Variants in KIF9 observed in about 807,000 individuals in gnomAD.
The protein encoded by KIF9 is kinesin family member 9, also known as kinesin-like protein KIF9.
In KIF9, 68 loss-of-function variants were observed where a neutral mutation model predicts 94.8. The ratio of observed to expected loss-of-function variants is 0.72; its 90% CI spans 0.59 to 0.88. The LOEUF is 0.88. Ranked by LOEUF, KIF9 falls within the 40% of genes least tolerant of loss-of-function variation. KIF9 has a pLI of 0.00. For missense variants in KIF9, 882 were observed against 982.5 expected, an observed-to-expected ratio of 0.90 and a Z score of 1.37; for synonymous variants, 343 against 362.1, an observed-to-expected ratio of 0.95 and a Z score of 0.60.
At chr3:47,254,351 G>A (rs1559444386) in intron 10 of KIF9, among the ~76,000 whole-genome samples, 1 of 152,204 alleles carries the variant, frequency 6.6e-6, no homozygotes, top group Non-Finnish European at 1.5e-5. Context: ...CCAGCTACTT[G>A]GGAGGCTGAG....
chr3:47,265,870 C>T lies in KIF9; in HGVS notation c.776G>A (p.Gly259Asp), dbSNP rs1395331540. The change falls in exon 8 of 21, where the codon GGC (glycine) becomes GAC (aspartate). Residue 259 changes from glycine (G) to aspartate (D), a missense_variant. Coordinates refer to ENST00000684063, the MANE Select transcript of KIF9 (RefSeq NM_182902.4). ...SERLGKSGSE[G>D]QVLKEATYIN... Reference sequence around the variant, plus strand: ...GTAGGTGGCTTCCTTCAGGACTTGGCCCTCAGACTACAAAGCAAAGGTCAG... The same window carrying T: ...GTAGGTGGCTTCCTTCAGGACTTGGTCCTCAGACTACAAAGCAAAGGTCAG... 3 of 1,613,986 alleles carry T rather than the reference C, an allele frequency of 1.9e-6. No individual in the cohort carries two copies. The East Asian group carries it at 6.7e-5, about 36-fold the overall frequency.
chr3:47,253,682 G>A (rs547412968), intron 10 of KIF9, among the ~76,000 whole-genome samples: 7 of 152,184 alleles, frequency 4.6e-5, no homozygotes, highest in Middle Eastern at 3.4e-3. Context: ...AGAGACTGTC[G>A]TTTGGGCCAC....
chr3:47,261,542 T>C (rs1700974139), intron 9 of KIF9, among the ~76,000 whole-genome samples: 1 of 152,100 alleles, frequency 6.6e-6, no homozygotes, highest in South Asian at 2.1e-4. Flanking sequence ...GGCTGTCTCA[T>C]CTCTCAATGA....
chr3:47,256,171 T>C (rs1700573370), intron 10 of KIF9, among the ~76,000 whole-genome samples: 1 of 152,220 alleles, frequency 6.6e-6, no homozygotes, highest in Non-Finnish European at 1.5e-5. Context: ...CAGCCTCTGC[T>C]TGGCCGCCAC....
intron 15 of KIF9, chr3:47,243,491 G>A (rs1699721881): frequency 5.7e-6 from 2 of 351,610 alleles, no homozygotes; most frequent in Non-Finnish European, 1.0e-5. Context: ...GGCAGGAGAC[G>A]CTTGGGAAAA....
At chr3:47,228,752 T>G in intron 20 of KIF9, 50 bp from the exon 21 acceptor site, 1 of 1,475,558 alleles carries the variant, frequency 6.8e-7, no homozygotes, top group South Asian at 1.1e-5. Context: ...GGGACAGACA[T>G]AGCAGGGACT....
chr3:47,247,893 G>A (rs1392007250), intron 11 of KIF9, 125 bp downstream of exon 11: 2 of 761,102 alleles, frequency 2.6e-6, no homozygotes, highest in Admixed American at 3.9e-5. Context: ...CTGCCACTGA[G>A]CCTGCCCCCC....
At position 47,277,309 on chromosome 3, in the gene KIF9, T is replaced by C; in HGVS notation, c.66A>G (p.Glu22=). 6.2e-7 allele frequency: 1 copy of C among 1,614,022 alleles called. No individual in the cohort carries two copies. The highest frequency in any genetic ancestry group is 8.5e-7 in the Non-Finnish European group (1 of 1,179,916). The change falls in exon 2 of 21, where the codon GAA becomes GAG. Residue 22 remains glutamate (E), a synonymous_variant. Transcript: ENST00000684063. ...TTTTGTCATCTCCGTATCTGATCAT[T>C]TCATGAGCAAAGTCATCGGTGGGTT... ...RVKPTDDFAH[E]MIRYGDDKRS... is the part of the protein sequence containing the mutation.
At chr3:47,275,177 C>G in intron 3 of KIF9, 148 bp downstream of exon 3, 1 of 644,774 alleles carries the variant, frequency 1.6e-6, no homozygotes, top group Non-Finnish European at 2.6e-6. Flanking sequence ...TGTCAACAAG[C>G]AAACAGTAAG....
chr3:47,253,196 C>A (rs1700377703), intron 10 of KIF9, among the ~76,000 whole-genome samples: 1 of 152,056 alleles, frequency 6.6e-6, no homozygotes, highest in African/African-American at 2.4e-5. Context: ...CCCTCTATTG[C>A]CCAGGCTGGA....
chr3:47,270,724 T>G (rs760684639), intron 5 of KIF9, among the ~76,000 whole-genome samples: 57 of 152,120 alleles, frequency 3.7e-4, no homozygotes, highest in Non-Finnish European at 5.3e-4. Flanking sequence ...AATCATTTTT[T>G]CTTTTTATTT....
chr3:47,277,242 G>C lies in KIF9; in HGVS notation c.93+40C>G, dbSNP rs530314895. On this transcript the variant is annotated intron_variant, in intron 2 of 20. Transcript: ENST00000684063. ...GGTCACACTATAGCAAGGTGGGACA[G>C]AGAGGCCCAGTCAGTTGAAGGCAAA... is the stretch of plus-strand genomic sequence containing the variant. 1.2e-4 allele frequency: 173 copies of C among 1,450,236 alleles called. 3 individuals are homozygous for C. In the South Asian group the frequency reaches 2.0e-3, roughly 17 times the overall value. The allele number at this position is 1,450,236 out of a possible 1,614,324, so 89.8% of individuals were successfully genotyped here. A position where few individuals can be genotyped will look rare whatever the true frequency, so the allele number is the denominator to read the frequency against.
chr3:47,268,690 C>G (rs1701447431), intron 5 of KIF9, among the ~76,000 whole-genome samples: 1 of 151,718 alleles, frequency 6.6e-6, no homozygotes, highest in Non-Finnish European at 1.5e-5. Flanking sequence ...TCAAGTGATC[C>G]TCCTACCTCA....
intron 2 of KIF9, among the ~76,000 whole-genome samples, 185 bp from the exon 3 acceptor site, chr3:47,275,675 C>T (rs1701920522): frequency 6.6e-6 from 1 of 152,182 alleles, no homozygotes; most frequent in African/African-American, 2.4e-5. Flanking sequence ...AGAGTTCCTG[C>T]AGGGAGATGG....
chr3:47,237,063 T>G (rs1699077362), intron 17 of KIF9, among the ~76,000 whole-genome samples: 1 of 152,230 alleles, frequency 6.6e-6, no homozygotes, highest in Non-Finnish European at 1.5e-5. Flanking sequence ...GTTCAAATTG[T>G]CTCTTGCTGA....
At chr3:47,261,665 C>T (rs769638522) in intron 9 of KIF9, among the ~76,000 whole-genome samples, 3 of 152,176 alleles carry the variant, frequency 2.0e-5, no homozygotes, top group South Asian at 2.1e-4. Context: ...AGAGCTCAGC[C>T]ACTGACCCCC....
At chr3:47,263,309 T>C (rs867853038) in intron 9 of KIF9, among the ~76,000 whole-genome samples, 1 of 152,228 alleles carries the variant, frequency 6.6e-6, no homozygotes, top group African/African-American at 2.4e-5. Context: ...AGACCTTTAT[T>C]CCTGCCTCTA....
chr3:47,275,555 C>T, intron 2 of KIF9, 65 bp from the exon 3 acceptor site: 1 of 1,288,302 alleles, frequency 7.8e-7, no homozygotes, highest in Non-Finnish European at 1.1e-6. Context: ...AAAAAAATCA[C>T]TGATAGCTGA....
intron 20 of KIF9, 40 bp downstream of exon 20, chr3:47,235,473 G>T: frequency 7.2e-7 from 1 of 1,386,742 alleles, no homozygotes; most frequent in Non-Finnish European, 1.0e-6. Flanking sequence ...CCTAGTCACT[G>T]AGGCCCCCAT....
Sources: gnomAD v4.1 joint callset for allele counts (sites outside exome capture counted in the v4.1 genomes callset) on GRCh38, gnomAD v4.1.1 for gene constraint, MANE v1.5 for transcripts, NCBI Gene and HGNC (gene_info 2026-07-23, HGNC 2026-07-21) for gene names.